The following ACAT2 variants were observed in gnomAD, a reference collection of about 807,000 sequenced individuals.
The protein encoded by ACAT2 is acetyl-CoA acetyltransferase 2, also known as acetyl-CoA acetyltransferase, cytosolic.
A neutral mutation model predicts 37.1 loss-of-function variants in ACAT2; 26 were observed. That is an observed-to-expected ratio of 0.70 (90% CI 0.51 to 0.97). The LOEUF is 0.97. ACAT2 is among the 50% of genes least tolerant of loss of function. The pLI is 0.00. For missense variants in ACAT2, 468 were observed against 489.0 expected (o/e 0.96, Z 0.40); for synonymous variants, 156 against 163.6 (o/e 0.95, Z 0.35).
intron 8 of ACAT2, 22 bp downstream of exon 8, chr6:159,778,302 T>C: frequency 6.6e-7 from 1 of 1,511,922 alleles, no homozygotes; most frequent in Non-Finnish European, 9.1e-7. Context: ...CAAGTAACCC[T>C]GAGAGCTTAC....
intron 4 of ACAT2, among the ~76,000 whole-genome samples, chr6:159,770,647 A>G (rs1201838119): frequency 6.6e-6 from 1 of 151,140 alleles, no homozygotes; most frequent in Non-Finnish European, 1.5e-5. Context: ...CCTCATCTCT[A>G]AAAAAAAAGA....
chr6:159,770,910 C>T (rs1198456797), intron 4 of ACAT2, among the ~76,000 whole-genome samples: 1 of 152,002 alleles, frequency 6.6e-6, no homozygotes, highest in African/African-American at 2.4e-5. Context: ...ACTAAAAATA[C>T]AAAAATGAGC....
At position 159,778,246 on chromosome 6, in the gene ACAT2, C is replaced by G; in HGVS notation, c.989C>G (p.Ala330Gly). The G allele has an allele frequency of 1.2e-6, 2 of 1,611,238 alleles. No individual in the cohort carries two copies. The highest frequency in any genetic ancestry group is 3.3e-4 in the Middle Eastern group (2 of 6,056). The change falls in exon 8 of 9, where the codon GCA becomes GGA. Residue 330 changes from alanine (A) to glycine (G), a missense_variant. Transcript: ENST00000367048. ...INEAFAAVSA[A>G]IVKELGLNPE... ...GAAGCCTTTGCAGCTGTCTCTGCTG[C>G]AATAGTTAAAGAACTTGGATTAAAC...
At chr6:159,764,050 G>C (rs1020214205) in intron 2 of ACAT2, among the ~76,000 whole-genome samples, 16 of 151,938 alleles carry the variant, frequency 1.1e-4, no homozygotes, top group Admixed American at 8.5e-4. Flanking sequence ...GCAGTGAGCT[G>C]AGATTGTGCC....
intron 1 of ACAT2, chr6:159,762,560 A>G (rs1412322752): frequency 9.0e-6 from 12 of 1,334,990 alleles, no homozygotes; most frequent in African/African-American, 1.5e-5. Flanking sequence ...CACAATGGCT[A>G]GAAGTCGTGA....
rs138801418 is a variant in ACAT2, at chr6:159,775,806, C to T, written c.635-344C>T. 4.9e-4 allele frequency: 116 copies of T among 236,016 alleles called. 2 individuals carry two copies. The East Asian group carries it at 0.011, about 22-fold the overall frequency. 14.6% of individuals were successfully genotyped at this position (236,016 alleles called of 1,614,324 possible). On this transcript the variant is annotated intron_variant, in intron 5 of 8. Transcript: ENST00000367048. The stretch of plus-strand genomic sequence containing the variant: ...TCTCTTATGTCCTGCCAGCAGTGCA[C>T]GATTGGCTTTGAGACTGCCTGATCC...
At chr6:159,762,640 G>A (rs1322039993) in intron 1 of ACAT2, 7 of 1,436,952 alleles carry the variant, frequency 4.9e-6, no homozygotes, top group Non-Finnish European at 6.5e-6. Context: ...TGGGAAGCAT[G>A]GGGTCGCATC....
intron 7 of ACAT2, 151 bp from the exon 8 acceptor site, chr6:159,778,019 A>G (rs1043175760): frequency 1.8e-6 from 1 of 548,048 alleles, no homozygotes; most frequent in African/African-American, 1.9e-5. Context: ...CTAAGGCAAA[A>G]ATGTGTGAGA....
At chr6:159,762,351 A>T (rs1157628105) in intron 1 of ACAT2, 4 of 1,264,876 alleles carry the variant, frequency 3.2e-6, no homozygotes, top group Non-Finnish European at 4.2e-6. Context: ...CGATGTGCGC[A>T]CTCCGTCCCT....
At position 159,768,543 on chromosome 6, in the gene ACAT2, A is replaced by G. The variant is rs1314154117; in HGVS notation, c.405A>G (p.Val135=). The G allele has an allele frequency of 3.7e-6, 6 of 1,613,868 alleles. No individual in the cohort carries two copies. The highest frequency in any genetic ancestry group is 5.1e-6 in the Non-Finnish European group (6 of 1,179,874). Residue 135 remains valine, a synonymous_variant, in exon 4 of 9, where the codon GTA becomes GTG. Transcript: ENST00000367048. ...APHLAYLRTG[V]KIGEMPLTDS... is the part of the protein sequence containing the mutation. ...ACTTGGCTTACTTGAGAACAGGAGT[A>G]AAGATAGGTGAGATGCCACTGACTG...
At chr6:159,766,482 A>C (rs1316977132) in intron 2 of ACAT2, among the ~76,000 whole-genome samples, 1 of 151,710 alleles carries the variant, frequency 6.6e-6, no homozygotes, top group African/African-American at 2.4e-5. Context: ...GCTCACCGCA[A>C]CCTCCGCTTC....
chr6:159,775,880 T>G, intron 5 of ACAT2: 1 of 356,888 alleles, frequency 2.8e-6, no homozygotes, highest in Non-Finnish European at 5.2e-6. Context: ...TAGCAGAATT[T>G]GGCACAAACA....
At chr6:159,764,903 T>G (rs1780229500) in intron 2 of ACAT2, among the ~76,000 whole-genome samples, 1 of 152,222 alleles carries the variant, frequency 6.6e-6, no homozygotes, top group South Asian at 2.1e-4. Context: ...CAGTTTGAAG[T>G]GGAGCTAGCA....
chr6:159,771,394 A>G (rs1780334612), intron 4 of ACAT2, among the ~76,000 whole-genome samples: 1 of 152,188 alleles, frequency 6.6e-6, no homozygotes, highest in Non-Finnish European at 1.5e-5. Context: ...AAAATAAAAT[A>G]TAAATGAACA....
In ACAT2 at chr6:159,776,032, AT is replaced by A; in HGVS notation, c.635-116del. Reference sequence around the variant, plus strand: ...CCTGTTGTCATCAAAGTGGTCACATATTAAAACTTTTCTGCTAAATATGAAT... The same window carrying A: ...CCTGTTGTCATCAAAGTGGTCACATATAAAACTTTTCTGCTAAATATGAAT... On this transcript the variant is annotated intron_variant, in intron 5 of 8. Transcript: ENST00000367048. 3 of 1,199,048 alleles carry A rather than the reference AT, an allele frequency of 2.5e-6. No homozygotes were observed. In the East Asian group the frequency reaches 7.2e-5, roughly 29 times the overall value. The allele number at this position is 1,199,048 out of a possible 1,614,324, so 74.3% of individuals were successfully genotyped here.
In ACAT2 at chr6:159,767,150, C is replaced by T. The variant is rs757780645; in HGVS notation, c.336C>T (p.Ser112=). The stretch of plus-strand genomic sequence containing the variant: ...AGTCAATAGGGATAGGAGACTCCAG[C>T]ATTGTGGTTGCAGGAGGCATGGAAA... ...AVQSIGIGDS[S]IVVAGGMENM... is the part of the protein sequence containing the mutation. The change falls in exon 3 of 9, where the codon AGC becomes AGT. Residue 112 remains serine (S), a synonymous_variant. Coordinates refer to ENST00000367048, the MANE Select transcript of ACAT2 (RefSeq NM_005891.3). 1.2e-6 allele frequency: 2 copies of T among 1,614,200 alleles called. No homozygotes were observed. The highest frequency in any genetic ancestry group is 4.5e-5 in the East Asian group (2 of 44,880).
chr6:159,777,071 G>C (rs994086718), intron 6 of ACAT2, among the ~76,000 whole-genome samples: 19 of 152,226 alleles, frequency 1.2e-4, no homozygotes, highest in East Asian at 7.7e-4. Flanking sequence ...ACAGGCGTGA[G>C]CCACCACGCC....
chr6:159,762,539 TC>T, intron 1 of ACAT2: 1 of 1,306,894 alleles, frequency 7.7e-7, no homozygotes, highest in South Asian at 1.4e-5. Context: ...TGGGCTGGGG[TC>T]GGGCTGTCAC....
chr6:159,763,733 G>A (rs757503673), intron 2 of ACAT2, among the ~76,000 whole-genome samples: 4 of 131,776 alleles, frequency 3.0e-5, no homozygotes, highest in Non-Finnish European at 6.2e-5. Context: ...TCCGTCTCCC[G>A]GTTTCACGCC....
Sources: allele counts gnomAD v4.1 joint callset (sites outside exome capture counted in the v4.1 genomes callset), GRCh38; gene constraint gnomAD v4.1.1; transcripts MANE v1.5; gene names NCBI Gene and HGNC (gene_info 2026-07-23, HGNC 2026-07-21).